SLC44A2: variants seen among roughly 807,000 people sequenced by gnomAD.
SLC44A2 encodes solute carrier family 44 member 2 (CTL2 blood group).
A neutral mutation model predicts 90.8 loss-of-function variants in SLC44A2; 57 were observed. The ratio of observed to expected loss-of-function variants is 0.63; its 90% confidence interval spans 0.51 to 0.78. The LOEUF (loss-of-function observed/expected upper bound fraction) is 0.78. Among genes scored for constraint, SLC44A2 ranks in the 30% least tolerant of loss-of-function variants. SLC44A2 has a pLI of 0.00. For missense variants in SLC44A2, 794 were observed against 919.7 expected (o/e 0.86, Z 1.77); for synonymous variants, 355 against 360.7 (o/e 0.98, Z 0.18).
intron 1 of SLC44A2, among the ~76,000 whole-genome samples, chr19:10,609,579 C>T (rs1003039472): frequency 3.9e-5 from 6 of 152,074 alleles, no homozygotes; most frequent in Admixed American, 3.3e-4. Flanking sequence ...GGATTAAAGG[C>T]AAGAGCCACT....
At chr19:10,627,855 T>C in intron 3 of SLC44A2, 60 bp downstream of exon 3, 1 of 1,610,986 alleles carries the variant, frequency 6.2e-7, no homozygotes, top group Non-Finnish European at 8.5e-7. Context: ...CCATGGCCTC[T>C]GGAGTGGGAA....
intron 1 of SLC44A2, among the ~76,000 whole-genome samples, chr19:10,609,334 C>G (rs1918214115): frequency 6.6e-6 from 1 of 151,902 alleles, no homozygotes; most frequent in African/African-American, 2.4e-5. Context: ...GAATCTTGCT[C>G]TGTCGCCCAG....
intron 1 of SLC44A2, among the ~76,000 whole-genome samples, chr19:10,610,651 T>C (rs1221908904): frequency 2.5e-5 from 3 of 120,806 alleles, no homozygotes; most frequent in Non-Finnish European, 5.3e-5. Context: ...TTTTTTTTTT[T>C]TTTTTGAGAT....
chr19:10,634,904 C>T lies in SLC44A2; in HGVS notation c.955+17C>T. 6.2e-7 allele frequency: 1 copy of T among 1,614,208 alleles called. No individual in the cohort carries two copies. Among genetic ancestry groups the T allele is most frequent in the Non-Finnish European group, 8.5e-7 (1 of 1,180,036 alleles). ...TGGCCTTTAGTGAGTCACAGTCTCC[C>T]ATTCCTGCCCCCACATGAGGCCTTG... On this transcript the variant is annotated intron_variant, in intron 11 of 21. Transcript: ENST00000335757.
Position 10,636,411 on chromosome 19 carries a change from C to A in SLC44A2, c.1322C>A (p.Ala441Asp). ...GGTGGTGAGTCGGGCTACCACCGGG[C>A]CCTGCTGGGCCTGCAGATCTTCAAT... ...FYGGESGYHR[A>D]LLGLQIFNAF... Residue 441 changes from alanine (A) to aspartate (D), a missense_variant, in exon 15 of 22, where the codon GCC becomes GAC. Ala to Asp is a moderately radical substitution (Grantham distance 126). This residue lies in a region of SLC44A2 where 738 missense variants were observed against 841.1 expected (regional missense o/e 0.88). Transcript: ENST00000335757. 6.2e-7 allele frequency: 1 copy of A among 1,614,062 alleles called. No individual in the cohort carries two copies. Among genetic ancestry groups the A allele is most frequent in the Non-Finnish European group, 8.5e-7 (1 of 1,180,022 alleles).
upstream of SLC44A2, chr19:10,625,330 C>A (rs530246970): frequency 3.8e-6 from 2 of 532,562 alleles, no homozygotes; most frequent in Non-Finnish European, 5.4e-6. Flanking sequence ...TAGGCGGCAT[C>A]GCCCGGTGGC....
chr19:10,636,917 T>G lies in SLC44A2; in HGVS notation c.1591+161T>G, dbSNP rs2067063278. 4 of 738,156 alleles carry G rather than the reference T, an allele frequency of 5.4e-6. No homozygotes were observed. In the Admixed American group the frequency reaches 8.6e-5, roughly 16 times the overall value. The allele number at this position is 738,156 out of a possible 1,614,324, so 45.7% of individuals were successfully genotyped here. ...GAGTTCAGGAGTTGGCGTGATTGAG[T>G]CCTGCGATGGAGGAGCAAACCAGAG... On this transcript the variant is annotated intron_variant, in intron 16 of 21. Coordinates refer to ENST00000335757, the MANE Select transcript of SLC44A2 (RefSeq NM_020428.4).
At chr19:10,622,791 A>G (rs1487021655), upstream of SLC44A2, among the ~76,000 whole-genome samples, 1 of 151,836 alleles carries the variant, frequency 6.6e-6, no homozygotes. Context: ...GATCCCAGCT[A>G]CTCAGGAGGC....
chr19:10,609,060 C>G (rs528485777), intron 1 of SLC44A2, among the ~76,000 whole-genome samples: 1 of 143,486 alleles, frequency 7.0e-6, no homozygotes, highest in Non-Finnish European at 1.5e-5. Context: ...TGGGTTCAAG[C>G]GATTCTTCTG....
At chr19:10,617,263 C>T (rs1178194134) in intron 1 of SLC44A2, among the ~76,000 whole-genome samples, 16 of 152,192 alleles carry the variant, frequency 1.1e-4, no homozygotes, top group Non-Finnish European at 1.6e-4. Context: ...AAAGATATAG[C>T]GAGTTCCCAT....
At position 10,636,348 on chromosome 19, in the gene SLC44A2, G is replaced by A. The variant is rs754398847; in HGVS notation, c.1259G>A (p.Arg420His). 7.4e-6 allele frequency: 12 copies of A among 1,613,048 alleles called. No homozygotes were observed. The highest frequency in any genetic ancestry group is 3.3e-4 in the Middle Eastern group (2 of 6,076). The change falls in exon 15 of 22, where the codon CGC becomes CAC. Residue 420 changes from arginine (R) to histidine (H), a missense_variant. Around this residue, in one of 3 missense-constraint regions of SLC44A2, gnomAD observed 738 missense variants for 841.1 expected, o/e 0.88. Coordinates refer to ENST00000335757, the MANE Select transcript of SLC44A2 (RefSeq NM_020428.4). The stretch of plus-strand genomic sequence containing the variant: ...ACCTTCCCCTCCTCCAATGAGTCCC[G>A]CCAATGCCCCAATGCCCGTTGCCAG... ...PETFPSSNES[R>H]QCPNARCQFA... is the part of the protein sequence containing the mutation.
intron 1 of SLC44A2, among the ~76,000 whole-genome samples, chr19:10,615,547 C>T (rs1281305108): frequency 2.6e-5 from 4 of 151,224 alleles, no homozygotes; most frequent in Non-Finnish European, 4.4e-5. Context: ...GCGCTCCAGC[C>T]TGGGCAACAG....
chr19:10,639,531 C>T (rs1373401403), intron 20 of SLC44A2, among the ~76,000 whole-genome samples: 1 of 151,926 alleles, frequency 6.6e-6, no homozygotes, highest in Non-Finnish European at 1.5e-5. Context: ...GTACAGTGGC[C>T]CTGAGGTGGG....
At chr19:10,615,911 T>A (rs1455117713) in intron 1 of SLC44A2, among the ~76,000 whole-genome samples, 2 of 151,982 alleles carry the variant, frequency 1.3e-5, no homozygotes, top group Non-Finnish European at 2.9e-5. Flanking sequence ...ACACCTGTGA[T>A]CCCAGCACTT....
intron 20 of SLC44A2, 148 bp downstream of exon 20, chr19:10,638,463 A>T (rs2144885072): frequency 1.3e-6 from 1 of 790,220 alleles, no homozygotes; most frequent in African/African-American, 1.7e-5. Context: ...TTGTTTTTGA[A>T]TCAAGAGTCT....
At chr19:10,626,996 G>C (rs2066941106) in intron 2 of SLC44A2, among the ~76,000 whole-genome samples, 1 of 150,388 alleles carries the variant, frequency 6.6e-6, no homozygotes, top group Admixed American at 6.6e-5. Context: ...GAGGACAAGA[G>C]CGAGACTCTG....
In SLC44A2 at chr19:10,631,301, C is replaced by T; in HGVS notation, c.357C>T (p.Arg119=). The T allele has an allele frequency of 6.2e-7, 1 of 1,614,164 alleles. No individual in the cohort carries two copies. The highest frequency in any genetic ancestry group is 1.3e-5 in the African/African-American group (1 of 75,046). The part of the protein sequence containing the change: ...PQICVEKCPD[R]YLTYLNARSS... ...TCTGCGTGGAAAAATGCCCCGACCG[C>T]TACCTCACGTACCTGAATGCTCGCA... The change falls in exon 6 of 22, where the codon CGC becomes CGT. Residue 119 remains arginine, a synonymous_variant. Transcript: ENST00000335757.
chr19:10,627,798 G>GAGT lies in SLC44A2; in HGVS notation c.160+6_160+8dup. On this transcript the variant is annotated splice_donor_region_variant and intron_variant, in intron 3 of 21. Coordinates refer to ENST00000335757, the MANE Select transcript of SLC44A2 (RefSeq NM_020428.4). ...CTACGTGGCTGTAGGCATCATAGGT[G>GAGT]AGTAGAGAATGAGCAGGACTTGGAG... 1 of 1,614,118 alleles carries GAGT rather than the reference G, an allele frequency of 6.2e-7. No individual in the cohort carries two copies. The highest frequency in any genetic ancestry group is 8.5e-7 in the Non-Finnish European group (1 of 1,180,028).
chr19:10,638,208 C>T lies in SLC44A2; in HGVS notation c.1841-19C>T, dbSNP rs761426100. The T allele has an allele frequency of 2.5e-6, 4 of 1,613,972 alleles. No homozygotes were observed. Among genetic ancestry groups the T allele is most frequent in the Non-Finnish European group, 3.4e-6 (4 of 1,179,916 alleles). ...ATATCCAGAACCCTTCGCCATCTTG[C>T]TTTCTTCTCCTTCTCCAGGGATCCT... On this transcript the variant is annotated intron_variant, in intron 19 of 21. Transcript: ENST00000335757.
Sources: gnomAD v4.1 joint callset for allele counts (sites outside exome capture counted in the v4.1 genomes callset) on GRCh38, gnomAD v4.1.1 for gene constraint, gnomAD v4.1.1 regional missense constraint, MANE v1.5 for transcripts, NCBI Gene and HGNC (gene_info 2026-07-23, HGNC 2026-07-21) for gene names.